The following ROBO1 variants were observed in gnomAD, a reference collection of about 807,000 sequenced individuals.
ROBO1 encodes the protein roundabout guidance receptor 1.
A neutral mutation model predicts 195.9 loss-of-function variants in ROBO1; 149 were observed. That is an observed-to-expected ratio of 0.76 (90% confidence interval 0.67 to 0.87). The LOEUF is 0.87. Ranked by LOEUF, ROBO1 falls within the 40% of genes least tolerant of loss-of-function variation. ROBO1 has a pLI of 0.00. For synonymous variants in ROBO1, 816 were observed against 733.2 expected (o/e 1.11, Z -1.82); for missense variants, 1,933 against 2,068.3 (o/e 0.93, Z 1.27).
chr3:79,355,626 C>T (rs1403335033), intron 2 of ROBO1, among the ~76,000 whole-genome samples: 1 of 152,208 alleles, frequency 6.6e-6, no homozygotes, highest in Non-Finnish European at 1.5e-5. Context: ...ATCAGAACAA[C>T]ATTTAGATTC....
chr3:79,755,667 A>C (rs1704354091), intron 1 of ROBO1, among the ~76,000 whole-genome samples: 1 of 87,528 alleles, frequency 1.1e-5, no homozygotes, highest in Admixed American at 1.1e-4. Flanking sequence ...AATAAGAAGA[A>C]AAAAAAACAA....
At chr3:78,757,438 C>T (rs1036175880) in intron 4 of ROBO1, among the ~76,000 whole-genome samples, 24 of 151,170 alleles carry the variant, frequency 1.6e-4, no homozygotes, top group African/African-American at 5.8e-4. Flanking sequence ...CACATGCACA[C>T]ACACACACAC....
intron 14 of ROBO1, among the ~76,000 whole-genome samples, chr3:78,666,160 A>G (rs958640174): frequency 1.3e-5 from 2 of 152,060 alleles, no homozygotes; most frequent in Non-Finnish European, 2.9e-5. Flanking sequence ...CCCTTCTGCC[A>G]TGATTGTAAG....
intron 4 of ROBO1, among the ~76,000 whole-genome samples, chr3:78,789,180 A>G (rs1199709222): frequency 8.5e-5 from 13 of 152,222 alleles, no homozygotes; most frequent in Non-Finnish European, 8.8e-5. Flanking sequence ...TCAACAAGTC[A>G]TCACTGGTTT....
At chr3:79,094,104 A>G (rs2079524556) in intron 3 of ROBO1, among the ~76,000 whole-genome samples, 2 of 152,214 alleles carry the variant, frequency 1.3e-5, no homozygotes, top group South Asian at 2.1e-4. Flanking sequence ...ATTAGCCTGG[A>G]GCCTGGAGTG....
At chr3:78,765,124 G>A (rs1033523535) in intron 4 of ROBO1, among the ~76,000 whole-genome samples, 18 of 152,104 alleles carry the variant, frequency 1.2e-4, no homozygotes, top group Admixed American at 3.3e-4. Flanking sequence ...AGAGGAGCAC[G>A]TCACCATCAA....
intron 3 of ROBO1, among the ~76,000 whole-genome samples, chr3:79,122,447 C>G (rs1411031058): frequency 6.6e-6 from 1 of 151,948 alleles, no homozygotes; most frequent in African/African-American, 2.4e-5. Context: ...CAATATGTTT[C>G]TTCCCTGATA....
At chr3:79,616,750 G>C (rs985151283) in intron 1 of ROBO1, among the ~76,000 whole-genome samples, 2 of 152,100 alleles carry the variant, frequency 1.3e-5, no homozygotes, top group African/African-American at 2.4e-5. Flanking sequence ...TTTGGTACTG[G>C]GAGTTGGCAC....
chr3:79,016,209 T>A (rs770161633), intron 3 of ROBO1, among the ~76,000 whole-genome samples: 1 of 152,192 alleles, frequency 6.6e-6, no homozygotes, highest in African/African-American at 2.4e-5. Context: ...CTGAACACTG[T>A]CATGAAATCA....
Position 78,960,979 on chromosome 3 carries a change from C to A in ROBO1, c.173-22052G>T, listed in dbSNP as rs117112998. Among the ~76,000 whole-genome samples, 241 of 152,152 alleles carry A rather than the reference C, an allele frequency of 1.6e-3. 2 individuals carry two copies. In the East Asian group the frequency reaches 0.032, roughly 20 times the overall value. On this transcript the variant is annotated intron_variant, in intron 3 of 30. Transcript: ENST00000464233. ...TCGCATCACCCTAATCGTTGCAATA[C>A]GCTGTATGTATAGCCAATTGGAATC...
chr3:79,009,710 T>G (rs1014563669), intron 3 of ROBO1, among the ~76,000 whole-genome samples: 1 of 152,220 alleles, frequency 6.6e-6, no homozygotes, highest in Non-Finnish European at 1.5e-5. Context: ...CCATAAAACT[T>G]GTCATTGGAG....
At chr3:78,939,089 C>T (rs2039981325) in intron 3 of ROBO1, among the ~76,000 whole-genome samples, 162 bp from the exon 4 acceptor site, 1 of 152,198 alleles carries the variant, frequency 6.6e-6, no homozygotes, top group African/African-American at 2.4e-5. Context: ...GCCTTGACTA[C>T]ACCTTCCAAT....
intron 2 of ROBO1, among the ~76,000 whole-genome samples, chr3:79,289,603 T>C (rs1033291482): frequency 1.3e-5 from 2 of 152,220 alleles, no homozygotes; most frequent in Non-Finnish European, 2.9e-5. Context: ...TGTTATATAG[T>C]ACCATAGATA....
At chr3:79,003,934 A>T (rs534484647) in intron 3 of ROBO1, among the ~76,000 whole-genome samples, 1 of 152,320 alleles carries the variant, frequency 6.6e-6, no homozygotes, top group South Asian at 2.1e-4. Context: ...TGGCATGGTG[A>T]AAAACTATTT....
At chr3:79,014,858 C>T (rs1224336506) in intron 3 of ROBO1, among the ~76,000 whole-genome samples, 4 of 152,154 alleles carry the variant, frequency 2.6e-5, no homozygotes, top group Admixed American at 6.5e-5. Flanking sequence ...TTTATTAACA[C>T]AGATGATAAT....
intron 3 of ROBO1, among the ~76,000 whole-genome samples, chr3:78,992,963 CA>C (rs929596728): frequency 2.0e-4 from 31 of 152,236 alleles, no homozygotes; most frequent in African/African-American, 6.3e-4. Flanking sequence ...GATGCGAATA[CA>C]TATATCTAGT....
At chr3:79,712,269 C>A (rs754497450) in intron 1 of ROBO1, among the ~76,000 whole-genome samples, 3 of 152,036 alleles carry the variant, frequency 2.0e-5, no homozygotes, top group East Asian at 1.9e-4. Flanking sequence ...CTTGTGAATA[C>A]AAACAGAAAT....
chr3:78,610,785 CTG>C (rs1703764678), intron 28 of ROBO1, among the ~76,000 whole-genome samples: 1 of 152,140 alleles, frequency 6.6e-6, no homozygotes, highest in South Asian at 2.1e-4. Context: ...ATATTTGTCA[CTG>C]TACCTAATTG....
intron 4 of ROBO1, among the ~76,000 whole-genome samples, chr3:78,873,549 A>C (rs1429799654): frequency 6.6e-6 from 1 of 152,156 alleles, no homozygotes; most frequent in Non-Finnish European, 1.5e-5. Context: ...CTATGAGTAA[A>C]TAAAAAATAC....
Sources: gnomAD v4.1 joint callset for allele counts (sites outside exome capture counted in the v4.1 genomes callset) on GRCh38, gnomAD v4.1.1 for gene constraint, MANE v1.5 for transcripts, NCBI Gene and HGNC (gene_info 2026-07-23, HGNC 2026-07-21) for gene names.